NMNAT2: variants seen among roughly 807,000 people sequenced by gnomAD.
NMNAT2 encodes the protein nicotinamide nucleotide adenylyltransferase 2, also known as nicotinamide/nicotinic acid mononucleotide adenylyltransferase 2.
A neutral mutation model predicts 41.6 loss-of-function variants in NMNAT2; 11 were observed. That is an observed-to-expected ratio of 0.26 (90% CI 0.17 to 0.44). The LOEUF (loss-of-function observed/expected upper bound fraction) is 0.44. NMNAT2 is among the 20% of genes least tolerant of loss of function. NMNAT2 has a pLI of 1.00. For missense variants in NMNAT2, 288 were observed against 407.7 expected (o/e 0.71, Z 2.53); for synonymous variants, 148 against 151.2 (o/e 0.98, Z 0.16).
chr1:183,390,025 A>G (rs912140389), intron 1 of NMNAT2, among the ~76,000 whole-genome samples: 7 of 152,034 alleles, frequency 4.6e-5, no homozygotes, highest in Non-Finnish European at 7.4e-5. Context: ...GAAGCTCATC[A>G]CGATATAGAA....
At chr1:183,256,557 C>A (rs1418758626) in intron 10 of NMNAT2, among the ~76,000 whole-genome samples, 1 of 152,156 alleles carries the variant, frequency 6.6e-6, no homozygotes, top group Non-Finnish European at 1.5e-5. Flanking sequence ...TTGATATGGT[C>A]ATGTGGTTTT....
intron 1 of NMNAT2, among the ~76,000 whole-genome samples, chr1:183,368,489 G>A (rs1444122589): frequency 6.6e-6 from 1 of 152,162 alleles, no homozygotes; most frequent in Non-Finnish European, 1.5e-5. Flanking sequence ...GAACAGAATT[G>A]GGGTGTTTGG....
At chr1:183,309,888 C>T (rs1479709727) in intron 1 of NMNAT2, among the ~76,000 whole-genome samples, 1 of 152,192 alleles carries the variant, frequency 6.6e-6, no homozygotes, top group Non-Finnish European at 1.5e-5. Context: ...CATTTTTTAG[C>T]TAAAGGTGCA....
intron 1 of NMNAT2, among the ~76,000 whole-genome samples, chr1:183,377,715 A>G (rs115327573): frequency 6.6e-6 from 1 of 152,244 alleles, no homozygotes; most frequent in Non-Finnish European, 1.5e-5. Context: ...AACAATAACA[A>G]CAAAAAGTAC....
intron 4 of NMNAT2, among the ~76,000 whole-genome samples, chr1:183,289,517 C>G (rs147158443): frequency 6.6e-6 from 1 of 152,370 alleles, no homozygotes; most frequent in Non-Finnish European, 1.5e-5. Context: ...ACCAAACACT[C>G]ACTGTGTGTG....
chr1:183,392,596 C>T (rs940238385), intron 1 of NMNAT2, among the ~76,000 whole-genome samples: 1 of 152,230 alleles, frequency 6.6e-6, no homozygotes, highest in East Asian at 1.9e-4. Flanking sequence ...AGGCCCTACA[C>T]AACCTGGGCA....
intron 1 of NMNAT2, among the ~76,000 whole-genome samples, chr1:183,319,891 C>T (rs190951528): frequency 7.7e-4 from 118 of 152,288 alleles, no homozygotes; most frequent in African/African-American, 2.5e-3. Context: ...CTCTCATTCC[C>T]GTTTTTCTGG....
At chr1:183,323,641 A>G (rs1388969449) in intron 1 of NMNAT2, among the ~76,000 whole-genome samples, 1 of 152,222 alleles carries the variant, frequency 6.6e-6, no homozygotes, top group Non-Finnish European at 1.5e-5. Context: ...GGAGACAGAG[A>G]TTCCAGCACC....
At chr1:183,278,813 G>C (rs1368928622) in intron 7 of NMNAT2, 184 bp from the exon 8 acceptor site, 1 of 575,418 alleles carries the variant, frequency 1.7e-6, no homozygotes, top group African/African-American at 1.9e-5. Context: ...CCTCTTCCTC[G>C]GGCTCATTTC....
rs188161092 is a variant in NMNAT2, at chr1:183,368,627, T to C, written c.85+49556A>G. ...CTGTCCCATAACATGCCACTAGCCATTCCTGATCTCAACTCTAAGCACTTT... is the reference window on the plus strand; with the variant it reads ...CTGTCCCATAACATGCCACTAGCCACTCCTGATCTCAACTCTAAGCACTTT... On this transcript the variant is annotated intron_variant, in intron 1 of 10. Transcript: ENST00000287713. 3.9e-4 allele frequency among the ~76,000 whole-genome samples: 60 copies of C among 152,306 alleles called. 2 individuals carry two copies. The East Asian group carries it at 0.011, about 27-fold the overall frequency.
intron 1 of NMNAT2, among the ~76,000 whole-genome samples, chr1:183,314,238 CCTG>C (rs1030892510): frequency 6.6e-5 from 10 of 152,204 alleles, no homozygotes; most frequent in Non-Finnish European, 1.3e-4. Context: ...CTCTCCTGAA[CCTG>C]CTGCATGCCC....
At chr1:183,373,572 T>C (rs1259112451) in intron 1 of NMNAT2, among the ~76,000 whole-genome samples, 1 of 152,074 alleles carries the variant, frequency 6.6e-6, no homozygotes, top group African/African-American at 2.4e-5. Flanking sequence ...GGGTCTGCAC[T>C]TATTCTAAAG....
intron 8 of NMNAT2, among the ~76,000 whole-genome samples, chr1:183,274,458 C>T (rs1309888286): frequency 6.6e-6 from 1 of 151,620 alleles, no homozygotes; most frequent in East Asian, 2.0e-4. Flanking sequence ...ATTACAGGTG[C>T]CCGCCACCAT....
intron 1 of NMNAT2, among the ~76,000 whole-genome samples, chr1:183,310,708 CAAAG>C (rs1417497934): frequency 6.6e-6 from 1 of 152,146 alleles, no homozygotes. Flanking sequence ...AGCCCCACAA[CAAAG>C]AATCATCTGG....
intron 10 of NMNAT2, 50 bp from the exon 11 acceptor site, chr1:183,252,793 T>A: frequency 7.4e-7 from 1 of 1,354,548 alleles, no homozygotes; most frequent in Non-Finnish European, 1.1e-6. Flanking sequence ...CCAAAGCAAG[T>A]CAGGAGGACT....
intron 1 of NMNAT2, among the ~76,000 whole-genome samples, chr1:183,312,589 T>C (rs1174158813): frequency 6.6e-6 from 1 of 151,992 alleles, no homozygotes; most frequent in Non-Finnish European, 1.5e-5. Context: ...AAAGACATAT[T>C]GGTGACAGTT....
At chr1:183,278,698 T>C in intron 7 of NMNAT2, 69 bp from the exon 8 acceptor site, 1 of 1,104,470 alleles carries the variant, frequency 9.1e-7, no homozygotes, top group East Asian at 2.4e-5. Flanking sequence ...CCCTCAGCCT[T>C]CTTCCCCTGG....
At chr1:183,295,036 C>T (rs991330104) in intron 1 of NMNAT2, among the ~76,000 whole-genome samples, 8 of 152,184 alleles carry the variant, frequency 5.3e-5, no homozygotes, top group African/African-American at 1.4e-4. Flanking sequence ...CAAAGTCTCA[C>T]GCTGTCACTT....
At chr1:183,388,525 A>G (rs144053227) in intron 1 of NMNAT2, among the ~76,000 whole-genome samples, 129 of 152,344 alleles carry the variant, frequency 8.5e-4, no homozygotes, top group African/African-American at 3.1e-3. Flanking sequence ...ACCTATGTTC[A>G]GTTCACCTGC....
Sources: allele counts gnomAD v4.1 joint callset (sites outside exome capture counted in the v4.1 genomes callset), GRCh38; gene constraint gnomAD v4.1.1; transcripts MANE v1.5; gene names NCBI Gene and HGNC (gene_info 2026-07-23, HGNC 2026-07-21).